The following CNTRL variants were observed in gnomAD, a reference collection of about 807,000 sequenced individuals.
CNTRL encodes the protein 110 kDa centrosomal protein.
A neutral mutation model predicts 303.7 loss-of-function variants in CNTRL; 233 were observed. The ratio of observed to expected loss-of-function variants is 0.77; its 90% CI spans 0.69 to 0.86. The LOEUF (loss-of-function observed/expected upper bound fraction) is 0.86. CNTRL is among the 40% of genes least tolerant of loss of function. The pLI is 0.00. For missense variants in CNTRL, 2,524 were observed against 2,650.6 expected (o/e 0.95, Z 1.05); for synonymous variants, 900 against 922.2 (o/e 0.98, Z 0.44).
chr9:121,163,177 C>CA (rs201417738), intron 34 of CNTRL, among the ~76,000 whole-genome samples: 10,208 of 112,224 alleles, frequency 0.091, 821 homozygotes, highest in East Asian at 0.26. Context: ...CTGTCTCTGC[C>CA]AAAAAAAAAA....
At chr9:121,118,252 G>A in intron 11 of CNTRL, 94 bp from the exon 12 acceptor site, 1 of 990,222 alleles carries the variant, frequency 1.0e-6, no homozygotes, top group South Asian at 3.7e-5. Context: ...AAAACTGATA[G>A]AATATAGAAT....
chr9:121,149,392 CTTT>C (rs1554758769), intron 24 of CNTRL, among the ~76,000 whole-genome samples: 1 of 151,472 alleles, frequency 6.6e-6, no homozygotes, highest in Non-Finnish European at 1.5e-5. Flanking sequence ...CATTCAGAAA[CTTT>C]TTTTTGTTTT....
Position 121,150,353 on chromosome 9 carries a change from C to T in CNTRL, c.3833C>T (p.Pro1278Leu), listed in dbSNP as rs1164633105. The T allele has an allele frequency of 1.9e-6, 3 of 1,614,084 alleles. No homozygotes were observed. Among genetic ancestry groups the T allele is most frequent in the South Asian group, 1.1e-5 (1 of 91,088 alleles). The change falls in exon 25 of 44, where the codon CCT becomes CTT. Residue 1278 changes from proline (P) to leucine (L), a missense_variant. By Grantham distance (98) the Pro-to-Leu change is moderately conservative (BLOSUM62 -3). Coordinates refer to ENST00000373855, the MANE Select transcript of CNTRL (RefSeq NM_007018.6). ...PLPNNSRPLTPGTVVYGPPPA... is the reference protein window; with the variant it reads ...PLPNNSRPLTLGTVVYGPPPA... ...CCAAACAATAGCCGACCTCTCACCC[C>T]TGGCACTGTTGTTTATGGCCCACCT...
chr9:121,135,748 G>C, intron 14 of CNTRL, 58 bp from the exon 15 acceptor site: 1 of 1,471,522 alleles, frequency 6.8e-7, no homozygotes, highest in Non-Finnish European at 9.1e-7. Context: ...ATAATGCCTT[G>C]CAAATGCTTA....
At chr9:121,166,523 G>A (rs1390192266) in intron 36 of CNTRL, among the ~76,000 whole-genome samples, 1 of 152,132 alleles carries the variant, frequency 6.6e-6, no homozygotes, top group African/African-American at 2.4e-5. Context: ...GGCCTCTAAA[G>A]GCTGGGCTTA....
intron 2 of CNTRL, among the ~76,000 whole-genome samples, chr9:121,086,809 C>T (rs1378293158): frequency 6.6e-6 from 1 of 151,944 alleles, no homozygotes; most frequent in Non-Finnish European, 1.5e-5. Context: ...CATGCCACCA[C>T]ACCTAGCTAA....
chr9:121,152,270 C>T, intron 25 of CNTRL: 1 of 508,338 alleles, frequency 2.0e-6, no homozygotes, highest in Non-Finnish European at 3.5e-6. Flanking sequence ...AAATGTTTCT[C>T]AGTCATAGTT....
intron 12 of CNTRL, among the ~76,000 whole-genome samples, chr9:121,120,285 A>G (rs1293621317): frequency 2.0e-5 from 3 of 152,202 alleles, no homozygotes. Context: ...GCTAATTTCA[A>G]TAAAGGATAA....
Position 121,148,848 on chromosome 9 carries a change from GT to G in CNTRL, c.3639del (p.Pro1214GlnfsTer32). 1 of 1,612,648 alleles carries G rather than the reference GT, an allele frequency of 6.2e-7. No individual in the cohort carries two copies. Among genetic ancestry groups the G allele is most frequent in the East Asian group, 2.2e-5 (1 of 44,858 alleles). On this transcript the variant is annotated frameshift_variant, in exon 24 of 44. Transcript: ENST00000373855. LOFTEE classifies it high-confidence loss of function. ...CCATCAGGAGTGGGTTACATAAACT[GT>G]TTCCAAGTAGAGGTAAGTCAAATCA... ...SPIRSGLHKL[F>X]PSRDADSGGD...
chr9:121,092,674 AATATATATCT>A (rs1405936611), intron 4 of CNTRL, among the ~76,000 whole-genome samples: 1 of 29,748 alleles, frequency 3.4e-5, no homozygotes, highest in African/African-American at 1.0e-4. Flanking sequence ...CTATATATAT[AATATATATCT>A]ATATATATAA....
In CNTRL at chr9:121,107,864, A is replaced by T. The variant is rs1388520808; in HGVS notation, c.871A>T (p.Ser291Cys). Residue 291 changes from serine to cysteine, a missense_variant, in exon 8 of 44, where the codon AGC (serine) becomes TGC (cysteine). Ser to Cys is a moderately radical substitution (Grantham distance 112). Coordinates refer to ENST00000373855, the MANE Select transcript of CNTRL (RefSeq NM_007018.6). ...GATGATAGAAACTGAAGAGCTTAAG[A>T]GCAAACAAACAAGGTTCCTTGAGGA... is the stretch of plus-strand genomic sequence containing the variant. Reference protein sequence around the residue: ...KKMIETEELKSKQTRFLEEIK... With the variant: ...KKMIETEELKCKQTRFLEEIK... The T allele has an allele frequency of 6.2e-7, 1 of 1,609,148 alleles. No individual in the cohort carries two copies. The highest frequency in any genetic ancestry group is 1.7e-5 in the Admixed American group (1 of 59,130).
intron 8 of CNTRL, among the ~76,000 whole-genome samples, chr9:121,108,738 AGCC>A: frequency 6.6e-6 from 1 of 152,142 alleles, no homozygotes; most frequent in Admixed American, 6.6e-5. Context: ...ATTCAACATC[AGCC>A]TGGGCAACAT....
At chr9:121,102,395 T>G (rs1056286724) in intron 7 of CNTRL, among the ~76,000 whole-genome samples, 2 of 152,178 alleles carry the variant, frequency 1.3e-5, no homozygotes, top group African/African-American at 4.8e-5. Flanking sequence ...ATGGGATGTA[T>G]CTCAAAATAA....
chr9:121,152,655 A>G lies in CNTRL; in HGVS notation c.4134A>G (p.Glu1378=). The change falls in exon 26 of 44, where the codon GAA becomes GAG. Residue 1378 remains glutamate (E), a synonymous_variant. Coordinates refer to ENST00000373855, the MANE Select transcript of CNTRL (RefSeq NM_007018.6). ...QEKKSLECEV[E]ELHRTVQKRQ... is the part of the protein sequence containing the mutation. ...AGAAAAGCTTAGAGTGTGAAGTAGAAGAATTACATAGAACTGTCCAGAAAC... is the reference window on the plus strand; with the variant it reads ...AGAAAAGCTTAGAGTGTGAAGTAGAGGAATTACATAGAACTGTCCAGAAAC... 6.2e-7 allele frequency: 1 copy of G among 1,613,912 alleles called. No individual in the cohort carries two copies.
In CNTRL at chr9:121,165,118, A is replaced by G. The variant is rs757026638; in HGVS notation, c.5581+18A>G. 6.5e-7 allele frequency: 1 copy of G among 1,534,904 alleles called. No homozygotes were observed. The highest frequency in any genetic ancestry group is 1.2e-5 in the South Asian group (1 of 80,186). ...GCTCCAAGGTATAAGGCAGCAAAAC[A>G]GTGAAAGTGTGTGATTTCCTTGCCC... On this transcript the variant is annotated intron_variant, in intron 35 of 43. Coordinates refer to ENST00000373855, the MANE Select transcript of CNTRL (RefSeq NM_007018.6).
At chr9:121,144,138 T>C in intron 20 of CNTRL, 56 bp downstream of exon 20, 2 of 1,426,420 alleles carry the variant, frequency 1.4e-6, no homozygotes. Context: ...TCAAAAAACA[T>C]GGCAACTTGT....
chr9:121,075,774 C>G (rs1448114262), intron 1 of CNTRL, among the ~76,000 whole-genome samples: 4 of 152,114 alleles, frequency 2.6e-5, no homozygotes, highest in Admixed American at 6.5e-5. Flanking sequence ...CACGTATTAA[C>G]CTCATTTAGA....
chr9:121,136,980 G>A (rs1296898013), intron 15 of CNTRL, among the ~76,000 whole-genome samples: 2 of 152,182 alleles, frequency 1.3e-5, no homozygotes, highest in Non-Finnish European at 2.9e-5. Flanking sequence ...AGGGGACAGG[G>A]TGAAAGGAGT....
At position 121,167,345 on chromosome 9, in the gene CNTRL, G is replaced by GT. The variant is rs2053137047; in HGVS notation, c.5656-143dup. The GT allele has an allele frequency of 4.5e-6, 3 of 663,622 alleles. No individual in the cohort carries two copies. The South Asian group carries it at 6.9e-5, about 15-fold the overall frequency. The allele number at this position is 663,622 out of a possible 1,614,324, so 41.1% of individuals were successfully genotyped here. A position where few individuals can be genotyped will look rare whatever the true frequency, so the allele number is the denominator to read the frequency against. ...TTGGATTAGACATCTAAATTCTCTTGTACCTGTAAGTTTATTGAGATAATA... is the reference window on the plus strand; with the variant it reads ...TTGGATTAGACATCTAAATTCTCTTGTTACCTGTAAGTTTATTGAGATAATA... On this transcript the variant is annotated intron_variant, in intron 36 of 43. Transcript: ENST00000373855.
Sources: allele counts gnomAD v4.1 joint callset (sites outside exome capture counted in the v4.1 genomes callset), GRCh38; gene constraint gnomAD v4.1.1; transcripts MANE v1.5; gene names NCBI Gene and HGNC (gene_info 2026-07-23, HGNC 2026-07-21).